PPIP5K2: variants seen among roughly 807,000 people sequenced by gnomAD.
PPIP5K2 encodes inositol hexakisphosphate and diphosphoinositol-pentakisphosphate kinase 2.
In PPIP5K2, 105 loss-of-function variants were observed where a neutral mutation model predicts 154.6. That is an observed-to-expected ratio of 0.68 (90% confidence interval 0.58 to 0.80). The LOEUF (loss-of-function observed/expected upper bound fraction) is 0.80, where lower values mean the gene tolerates loss of function less well. Among genes scored for constraint, PPIP5K2 ranks in the 30% least tolerant of loss-of-function variants. The pLI is 0.00. For synonymous variants in PPIP5K2, 480 were observed against 490.3 expected (o/e 0.98, Z 0.28); for missense variants, 992 against 1,504.6 (o/e 0.66, Z 5.64).
chr5:103,154,778 AT>A, intron 12 of PPIP5K2, 33 bp downstream of exon 12: 1 of 1,550,226 alleles, frequency 6.5e-7, no homozygotes, highest in South Asian at 1.2e-5. Flanking sequence ...TTAATTTTAA[AT>A]TTTTTAGTGG....
intron 17 of PPIP5K2, among the ~76,000 whole-genome samples, chr5:103,161,804 GT>G (rs1227490823): frequency 6.6e-6 from 1 of 151,650 alleles, no homozygotes; most frequent in Non-Finnish European, 1.5e-5. Flanking sequence ...GGGGTTGTTT[GT>G]TTTTTTCTTG....
chr5:103,179,310 A>G (rs1369911051), intron 23 of PPIP5K2, among the ~76,000 whole-genome samples: 1 of 151,900 alleles, frequency 6.6e-6, no homozygotes, highest in African/African-American at 2.4e-5. Flanking sequence ...AGTTGCATTT[A>G]GTTTTAGTTT....
intron 14 of PPIP5K2, among the ~76,000 whole-genome samples, chr5:103,157,986 T>C (rs1795679700): frequency 6.6e-6 from 1 of 152,126 alleles, no homozygotes; most frequent in African/African-American, 2.4e-5. Context: ...TTTAAACAGG[T>C]ATAGCAAGGG....
chr5:103,192,747 A>G (rs1397728929), intron 29 of PPIP5K2, among the ~76,000 whole-genome samples: 1 of 152,132 alleles, frequency 6.6e-6, no homozygotes, highest in Non-Finnish European at 1.5e-5. Context: ...TAATGAGGCA[A>G]AGGATATTAG....
chr5:103,161,736 C>T (rs1286210444), intron 17 of PPIP5K2, among the ~76,000 whole-genome samples: 1 of 152,188 alleles, frequency 6.6e-6, no homozygotes, highest in East Asian at 1.9e-4. Flanking sequence ...TGTCTGTTGG[C>T]TGCATAAATG....
rs559482119 is a variant in PPIP5K2, at chr5:103,209,346, T to C, written c.*7712T>C. 6.6e-6 allele frequency: 1 copy of C among 152,200 alleles called. No homozygotes were observed. Among genetic ancestry groups the C allele is most frequent in the African/African-American group, 2.4e-5 (1 of 41,546 alleles). 9.4% of individuals were successfully genotyped at this position (152,200 alleles called of 1,614,324 possible). On this transcript the variant is annotated 3_prime_UTR_variant, in exon 31 of 31. Coordinates refer to ENST00000358359, the MANE Select transcript of PPIP5K2 (RefSeq NM_001276277.3). The stretch of plus-strand genomic sequence containing the variant: ...AAAAAATAAAGGTTATTCTAGCATC[T>C]TCTCCTTTTAAAAATCTTTAAAATA...
At chr5:103,123,255 C>A (rs1789082992) in intron 1 of PPIP5K2, among the ~76,000 whole-genome samples, 2 of 152,162 alleles carry the variant, frequency 1.3e-5, no homozygotes, top group Admixed American at 6.5e-5. Context: ...TCCCATTTTA[C>A]AGATGATGAC....
In PPIP5K2 at chr5:103,209,647, T is replaced by C. The variant is rs1803697944; in HGVS notation, c.*8013T>C. On this transcript the variant is annotated 3_prime_UTR_variant, in exon 31 of 31. Coordinates refer to ENST00000358359, the MANE Select transcript of PPIP5K2 (RefSeq NM_001276277.3). Reference sequence around the variant, plus strand: ...GGATTTTTTTAAAAAAAAGGAAAAATGAATATGCCTTCAGAAAGTTTTTTG... The same window carrying C: ...GGATTTTTTTAAAAAAAAGGAAAAACGAATATGCCTTCAGAAAGTTTTTTG... 1 of 152,066 alleles carries C rather than the reference T, an allele frequency of 6.6e-6. No individual in the cohort carries two copies. The highest frequency in any genetic ancestry group is 1.5e-5 in the Non-Finnish European group (1 of 68,004). 9.4% of individuals were successfully genotyped at this position (152,066 alleles called of 1,614,324 possible). A position where few individuals can be genotyped will look rare whatever the true frequency, so the allele number is the denominator to read the frequency against.
chr5:103,171,537 T>G (rs180978319), intron 19 of PPIP5K2, among the ~76,000 whole-genome samples: 157 of 151,684 alleles, frequency 1.0e-3, no homozygotes, highest in Non-Finnish European at 3.6e-4. Context: ...AGGACTTGCA[T>G]ATCTAAAAAA....
intron 21 of PPIP5K2, among the ~76,000 whole-genome samples, chr5:103,176,294 T>C (rs541387912): frequency 6.6e-6 from 1 of 152,112 alleles, no homozygotes; most frequent in South Asian, 2.1e-4. Context: ...TACTGGAGTA[T>C]CACAAAATCA....
At chr5:103,155,875 C>A in intron 13 of PPIP5K2, 34 bp from the exon 14 acceptor site, 1 of 1,351,038 alleles carries the variant, frequency 7.4e-7, no homozygotes, top group Non-Finnish European at 1.1e-6. Context: ...TTTTTCCCTA[C>A]ATGTTCTATT....
At chr5:103,178,852 T>C (rs1367650471) in intron 23 of PPIP5K2, among the ~76,000 whole-genome samples, 1 of 151,834 alleles carries the variant, frequency 6.6e-6, no homozygotes, top group Non-Finnish European at 1.5e-5. Context: ...GTCATATTAA[T>C]TCCTAGTTCC....
At chr5:103,183,072 T>A (rs1329591363) in intron 24 of PPIP5K2, among the ~76,000 whole-genome samples, 162 bp from the exon 25 acceptor site, 1 of 151,826 alleles carries the variant, frequency 6.6e-6, no homozygotes, top group Non-Finnish European at 1.5e-5. Flanking sequence ...CCCAAATTGC[T>A]GTGTAATGGT....
At chr5:103,199,498 A>C (rs1802638899) in intron 30 of PPIP5K2, among the ~76,000 whole-genome samples, 1 of 152,180 alleles carries the variant, frequency 6.6e-6, no homozygotes, top group Non-Finnish European at 1.5e-5. Flanking sequence ...TCTGATAAGA[A>C]GACTTAGTTA....
chr5:103,189,132 CAG>C (rs1554226074), intron 28 of PPIP5K2: 2 of 1,455,168 alleles, frequency 1.4e-6, no homozygotes, highest in East Asian at 5.0e-5. Flanking sequence ...TATCTTCTGA[CAG>C]TGCTTTACCT....
chr5:103,129,268 G>A, intron 1 of PPIP5K2, 38 bp from the exon 2 acceptor site: 1 of 162,800 alleles, frequency 6.1e-6, no homozygotes, highest in Non-Finnish European at 1.3e-5. Context: ...TGTTTTTGGA[G>A]TGCACTCTCC....
At chr5:103,142,551 G>A (rs539155401) in intron 5 of PPIP5K2, among the ~76,000 whole-genome samples, 11 of 152,192 alleles carry the variant, frequency 7.2e-5, no homozygotes, top group Non-Finnish European at 8.8e-5. Context: ...CAGAGGAGGC[G>A]CCAAGAGCGA....
chr5:103,154,933 G>A lies in PPIP5K2; in HGVS notation c.1393G>A (p.Val465Ile). The change falls in exon 13 of 31, where the codon GTA becomes ATA. Residue 465 changes from valine (V) to isoleucine (I), a missense_variant. Coordinates refer to ENST00000358359, the MANE Select transcript of PPIP5K2 (RefSeq NM_001276277.3). ...GCCAAAACTTGAACAACTTAAGACT[G>A]TATTAGAGATGTGAGTATCTTTTTG... ...NKPKLEQLKT[V>I]LEMYGHFSGI... The A allele has an allele frequency of 1.3e-6, 2 of 1,569,374 alleles. No homozygotes were observed. The highest frequency in any genetic ancestry group is 1.7e-6 in the Non-Finnish European group (2 of 1,160,238).
At chr5:103,193,144 AT>A (rs1554227417) in intron 29 of PPIP5K2, among the ~76,000 whole-genome samples, 1 of 152,140 alleles carries the variant, frequency 6.6e-6, no homozygotes, top group African/African-American at 2.4e-5. Flanking sequence ...AAATCAATAA[AT>A]TAGTGGTCAA....
Sources: allele counts gnomAD v4.1 joint callset (sites outside exome capture counted in the v4.1 genomes callset), GRCh38; gene constraint gnomAD v4.1.1; transcripts MANE v1.5; gene names NCBI Gene and HGNC (gene_info 2026-07-23, HGNC 2026-07-21).